MTOR: variants seen among roughly 807,000 people sequenced by gnomAD.
MTOR encodes the protein serine/threonine-protein kinase mTOR.
MTOR carries 70 observed loss-of-function variants against 319.8 expected under a neutral mutation model. The ratio of observed to expected loss-of-function variants is 0.22; its 90% confidence interval spans 0.18 to 0.27. The LOEUF is 0.27. Among genes scored for constraint, MTOR ranks in the 10% least tolerant of loss-of-function variants. MTOR has a pLI of 1.00. For synonymous variants in MTOR, 1,183 were observed against 1,211.4 expected (o/e 0.98, Z 0.49); for missense variants, 1,890 against 3,274.4 (o/e 0.58, Z 10.32).
intron 28 of MTOR, chr1:11,195,364 A>AT (rs984929941): frequency 4.6e-6 from 1 of 216,140 alleles, no homozygotes; most frequent in Non-Finnish European, 9.2e-6. Flanking sequence ...CGTTTTATCT[A>AT]TTTTCTCTAC....
chr1:11,197,233 C>A (rs1369431620), intron 28 of MTOR, among the ~76,000 whole-genome samples: 1 of 152,164 alleles, frequency 6.6e-6, no homozygotes, highest in Non-Finnish European at 1.5e-5. Flanking sequence ...GAAAAGACCC[C>A]TGAGAAGAAT....
chr1:11,239,094 G>T (rs1473231174), intron 11 of MTOR, among the ~76,000 whole-genome samples: 1 of 152,130 alleles, frequency 6.6e-6, no homozygotes, highest in East Asian at 1.9e-4. Context: ...CTTTTAAAGG[G>T]TAACAAGGGG....
In MTOR at chr1:11,141,001, AC is replaced by A. The variant is rs1440008399; in HGVS notation, c.4873-1344del. Among the ~76,000 whole-genome samples, 1,058 of 129,378 alleles carry A rather than the reference AC, an allele frequency of 8.2e-3. 39 individuals are homozygous for A. Among genetic ancestry groups the A allele is most frequent in the Admixed American group, 0.075 (959 of 12,828 alleles). 84.9% of individuals were successfully genotyped at this position (129,378 alleles called of 152,430 possible). The stretch of plus-strand genomic sequence containing the variant: ...GACTTCTGAAAAAAAAAAAAAAAAG[AC>A]TGTTGAGATGCCATGTATGTTGGCA... On this transcript the variant is annotated intron_variant, in intron 34 of 57. Coordinates refer to ENST00000361445, the MANE Select transcript of MTOR (RefSeq NM_004958.4).
At chr1:11,192,296 T>C (rs1384103777) in intron 28 of MTOR, 6 of 1,613,860 alleles carry the variant, frequency 3.7e-6, no homozygotes, top group African/African-American at 1.3e-5. Flanking sequence ...CTCTTCCCTC[T>C]ACCAGAAGAA....
chr1:11,171,378 C>T (rs1644808958), intron 28 of MTOR, among the ~76,000 whole-genome samples: 1 of 151,838 alleles, frequency 6.6e-6, no homozygotes, highest in South Asian at 2.1e-4. Flanking sequence ...AATCTCCTGG[C>T]TCAAGCAATC....
chr1:11,262,002 GAGA>G (rs1359086191), intron 1 of MTOR, among the ~76,000 whole-genome samples: 2 of 152,194 alleles, frequency 1.3e-5, no homozygotes, highest in African/African-American at 4.8e-5. Flanking sequence ...GGGAGAGGGA[GAGA>G]AGATGTACCC....
intron 30 of MTOR, among the ~76,000 whole-genome samples, chr1:11,150,634 TA>T (rs1644108132): frequency 6.6e-6 from 1 of 152,198 alleles, no homozygotes; most frequent in South Asian, 2.1e-4. Context: ...AACTGGCTCC[TA>T]AAAGTATTAT....
chr1:11,238,148 C>T (rs1569740721), intron 12 of MTOR, 100 bp from the exon 13 acceptor site: 1 of 1,187,668 alleles, frequency 8.4e-7, no homozygotes, highest in Non-Finnish European at 1.2e-6. Context: ...TGGGAAGATT[C>T]CAGATGCTTT....
chr1:11,212,919 G>A lies in MTOR; in HGVS notation c.3286-11C>T. The A allele has an allele frequency of 6.2e-7, 1 of 1,609,140 alleles. No homozygotes were observed. The highest frequency in any genetic ancestry group is 8.5e-7 in the Non-Finnish European group (1 of 1,175,638). On this transcript the variant is annotated splice_polypyrimidine_tract_variant and intron_variant, in intron 21 of 57. Transcript: ENST00000361445. This position sits in a 1 kb window ranked among gnomAD's most constrained non-coding sequence, Gnocchi z 4.1. ...GATTGCAGCCAGTAACTGCAAAAGG[G>A]AGCAAAAGCATGGTGATGAATAGTC...
chr1:11,106,767 C>A lies in MTOR; in HGVS notation c.*718G>T. 1 of 1,254,164 alleles carries A rather than the reference C, an allele frequency of 8.0e-7. No homozygotes were observed. Among genetic ancestry groups the A allele is most frequent in the Non-Finnish European group, 1.0e-6 (1 of 983,068 alleles). The allele number at this position is 1,254,164 out of a possible 1,614,324, so 77.7% of individuals were successfully genotyped here. On this transcript the variant is annotated 3_prime_UTR_variant, in exon 58 of 58. Coordinates refer to ENST00000361445, the MANE Select transcript of MTOR (RefSeq NM_004958.4). ...TGACCACTGAAAACATCCCAGAACCCTGCTGCAGAAGGCCAGTGAGGGTGG... is the reference window on the plus strand; with the variant it reads ...TGACCACTGAAAACATCCCAGAACCATGCTGCAGAAGGCCAGTGAGGGTGG...
At chr1:11,257,257 C>T in intron 3 of MTOR, 92 bp from the exon 4 acceptor site, 1 of 1,138,826 alleles carries the variant, frequency 8.8e-7, no homozygotes, top group Non-Finnish European at 1.3e-6. Flanking sequence ...GAGTGCCGGC[C>T]AGGCACGGTG....
At chr1:11,163,241 C>T (rs931023891) in intron 29 of MTOR, among the ~76,000 whole-genome samples, 9 of 152,134 alleles carry the variant, frequency 5.9e-5, no homozygotes, top group Non-Finnish European at 1.3e-4. Context: ...GCTAACTATC[C>T]TAAATATATA....
In MTOR at chr1:11,170,680, C is replaced by CT. The variant is rs774656512; in HGVS notation, c.4254-3164dup. Reference sequence around the variant, plus strand: ...ATCTTTATTTCAATCCTATCCTTTTCTTTTTTTTTTTTCTTTTTTTTGAGA... The same window carrying CT: ...ATCTTTATTTCAATCCTATCCTTTTCTTTTTTTTTTTTTCTTTTTTTTGAGA... On this transcript the variant is annotated intron_variant, in intron 28 of 57. Transcript: ENST00000361445. 5.7e-3 allele frequency among the ~76,000 whole-genome samples: 808 copies of CT among 142,746 alleles called. 3 individuals carry two copies. The highest frequency in any genetic ancestry group is 0.011 in the Middle Eastern group (3 of 274). 93.6% of individuals were successfully genotyped at this position (142,746 alleles called of 152,430 possible). A position where few individuals can be genotyped will look rare whatever the true frequency, so the allele number is the denominator to read the frequency against.
intron 49 of MTOR, among the ~76,000 whole-genome samples, chr1:11,118,683 A>G (rs1020612863): frequency 1.1e-4 from 16 of 145,366 alleles, no homozygotes; most frequent in African/African-American, 4.1e-4. Context: ...CAGATTGTGC[A>G]GTGGCACAAT....
intron 24 of MTOR, among the ~76,000 whole-genome samples, chr1:11,210,108 T>A (rs1048045039): frequency 2.6e-5 from 4 of 152,158 alleles, no homozygotes; most frequent in Admixed American, 2.0e-4. Flanking sequence ...CCTCAAGTGA[T>A]CCTCCCGCCT....
chr1:11,241,696 A>C lies in MTOR; in HGVS notation c.1413-15T>G. The C allele has an allele frequency of 6.2e-7, 1 of 1,606,658 alleles. No homozygotes were observed. On this transcript the variant is annotated splice_polypyrimidine_tract_variant and intron_variant, in intron 9 of 57. Transcript: ENST00000361445. ...CCTTCTGCCTCCTGTAGAGAAATGG[A>C]GAGTGGCTAGTTGAGACATAATGAC...
chr1:11,195,881 CT>C (rs1399638616), intron 28 of MTOR: 1 of 152,224 alleles, frequency 6.6e-6, no homozygotes, highest in Non-Finnish European at 1.5e-5. Context: ...ATAATAAATG[CT>C]GTAAATAAGC....
intron 25 of MTOR, among the ~76,000 whole-genome samples, chr1:11,206,810 G>A (rs1238125625): frequency 6.6e-6 from 1 of 152,168 alleles, no homozygotes; most frequent in African/African-American, 2.4e-5. Context: ...CCTGTTCATG[G>A]AATGCCAGCT....
intron 28 of MTOR, chr1:11,194,840 G>A (rs1263356161): frequency 1.2e-6 from 2 of 1,613,542 alleles, no homozygotes; most frequent in Admixed American, 3.3e-5. Flanking sequence ...CACTGGGTCT[G>A]TTTCTCATGC....
Sources: allele counts gnomAD v4.1 joint callset (sites outside exome capture counted in the v4.1 genomes callset), GRCh38; gene constraint gnomAD v4.1.1; non-coding constraint Gnocchi (gnomAD v3.1); transcripts MANE v1.5; gene names NCBI Gene and HGNC (gene_info 2026-07-23, HGNC 2026-07-21).